The following POLR2B variants were observed in gnomAD, a reference collection of about 807,000 sequenced individuals.
POLR2B encodes the protein RNA polymerase II subunit B, also known as DNA-directed RNA polymerase II subunit RPB2.
In POLR2B, 57 loss-of-function variants were observed where a neutral mutation model predicts 144.6. That is an observed-to-expected ratio of 0.39 (90% CI 0.32 to 0.49). POLR2B has a LOEUF of 0.49. Among genes scored for constraint, POLR2B ranks in the 20% least tolerant of loss-of-function variants. The pLI, the probability that POLR2B is intolerant of heterozygous loss-of-function variation, is 0.83. For missense variants in POLR2B, 595 were observed against 1,467.4 expected (o/e 0.41, Z 9.71); for synonymous variants, 442 against 469.8 (o/e 0.94, Z 0.77).
intron 13 of POLR2B, 117 bp downstream of exon 13, chr4:57,011,217 A>G: frequency 7.1e-6 from 5 of 707,406 alleles, no homozygotes; most frequent in Non-Finnish European, 1.2e-5. Context: ...CTTGAACTGT[A>G]AAGTGTAAAT....
Position 57,005,584 on chromosome 4 carries a change from T to C in POLR2B, c.1098-16T>C. 6.9e-7 allele frequency: 1 copy of C among 1,457,728 alleles called. No individual in the cohort carries two copies. The highest frequency in any genetic ancestry group is 9.2e-7 in the Non-Finnish European group (1 of 1,081,796). The allele number at this position is 1,457,728 out of a possible 1,614,324, so 90.3% of individuals were successfully genotyped here. On this transcript the variant is annotated splice_polypyrimidine_tract_variant and intron_variant, in intron 8 of 24. Coordinates refer to ENST00000314595, the MANE Select transcript of POLR2B (RefSeq NM_000938.3). The stretch of plus-strand genomic sequence containing the variant: ...GTGTTTTCCCTCTTTCTTTCTTTCT[T>C]TTTTTTTTTTTAAAGATACATGGTT...
At position 57,006,963 on chromosome 4, in the gene POLR2B, T is replaced by C. The variant is rs752948471; in HGVS notation, c.1365T>C (p.Asp455=). 1.9e-6 allele frequency: 3 copies of C among 1,614,046 alleles called. No homozygotes were observed. The highest frequency in any genetic ancestry group is 2.5e-6 in the Non-Finnish European group (3 of 1,179,946). ...KYSLATGNWG[D]QKKAHQARAG... is the part of the protein sequence containing the mutation. ...CTTTAGCTACTGGAAACTGGGGTGA[T>C]CAAAAGAAAGCTCATCAAGCCAGAG... is the stretch of plus-strand genomic sequence containing the variant. The change falls in exon 10 of 25, where the codon GAT becomes GAC. Residue 455 remains aspartate (D), a synonymous_variant. Transcript: ENST00000314595.
chr4:57,006,704 C>A, intron 9 of POLR2B, 112 bp from the exon 10 acceptor site: 1 of 773,812 alleles, frequency 1.3e-6, no homozygotes, highest in Non-Finnish European at 2.2e-6. Context: ...TTTCACTCTG[C>A]CCAAACAATT....
intron 7 of POLR2B, among the ~76,000 whole-genome samples, chr4:57,004,474 C>T (rs1578573663): frequency 6.6e-6 from 1 of 151,974 alleles, no homozygotes. Context: ...TCAAGCCATC[C>T]TCCTGTTTTG....
At chr4:57,020,332 T>A (rs573350239) in intron 16 of POLR2B, among the ~76,000 whole-genome samples, 6 of 152,264 alleles carry the variant, frequency 3.9e-5, no homozygotes, top group Admixed American at 2.0e-4. Flanking sequence ...ATGCCCGACC[T>A]AAATATCAAG....
rs768360150 is a variant in POLR2B, at chr4:56,990,910, C to T, written c.243+12C>T. Reference sequence around the variant, plus strand: ...AAGTTGAAGAACCGGTAAGATAGTTCTAATAGTTACACAGGTACAAGAAGC... The same window carrying T: ...AAGTTGAAGAACCGGTAAGATAGTTTTAATAGTTACACAGGTACAAGAAGC... On this transcript the variant is annotated intron_variant, in intron 3 of 24. Coordinates refer to ENST00000314595, the MANE Select transcript of POLR2B (RefSeq NM_000938.3). 6.2e-7 allele frequency: 1 copy of T among 1,604,586 alleles called. No individual in the cohort carries two copies. Among genetic ancestry groups the T allele is most frequent in the East Asian group, 2.2e-5 (1 of 44,598 alleles).
chr4:57,006,902 TTAAAACACGGATCA>T lies in POLR2B; in HGVS notation c.1307_1320del (p.Lys436IlefsTer2). 6.2e-7 allele frequency: 1 copy of T among 1,613,526 alleles called. No homozygotes were observed. The highest frequency in any genetic ancestry group is 2.2e-5 in the East Asian group (1 of 44,864). Reference sequence around the variant, plus strand: ...AAGGATTTTAACTTGGAGTTGGCAATTAAAACACGGATCATATCTGATGGCCTAAAATACTCTTT... The same window carrying T: ...AAGGATTTTAACTTGGAGTTGGCAATTATCTGATGGCCTAAAATACTCTTT... On this transcript the variant is annotated frameshift_variant, in exon 10 of 25. Coordinates refer to ENST00000314595, the MANE Select transcript of POLR2B (RefSeq NM_000938.3). LOFTEE classifies it high-confidence loss of function.
At chr4:57,028,334 G>C (rs565841542) in intron 23 of POLR2B, among the ~76,000 whole-genome samples, 1 of 152,088 alleles carries the variant, frequency 6.6e-6, no homozygotes, top group South Asian at 2.1e-4. Context: ...GGGTCTTACT[G>C]TGTTGCTCTG....
At chr4:57,005,842 A>T in intron 9 of POLR2B, 123 bp downstream of exon 9, 2 of 818,108 alleles carry the variant, frequency 2.4e-6, no homozygotes, top group Non-Finnish European at 3.7e-6. Flanking sequence ...AATTAGCTAC[A>T]TTCTTATTGC....
chr4:56,990,404 T>C (rs1426801590), intron 2 of POLR2B, among the ~76,000 whole-genome samples: 1 of 152,164 alleles, frequency 6.6e-6, no homozygotes, highest in African/African-American at 2.4e-5. Context: ...TTTTTTCTTA[T>C]TTGTTGAAAT....
Position 56,995,416 on chromosome 4 carries a change from A to G in POLR2B, c.735+7A>G. 1 of 1,587,488 alleles carries G rather than the reference A, an allele frequency of 6.3e-7. No homozygotes were observed. The highest frequency in any genetic ancestry group is 8.6e-7 in the Non-Finnish European group (1 of 1,162,270). On this transcript the variant is annotated splice_region_variant and intron_variant, in intron 6 of 24. Transcript: ENST00000314595. ...GCTGGCAAGAGGAGGACAGGTATGG[A>G]CTGGATATGATGCTATTTGGGTTTA...
chr4:57,022,247 G>A lies in POLR2B; in HGVS notation c.2515+1G>A. The A allele has an allele frequency of 6.4e-7, 1 of 1,570,874 alleles. No homozygotes were observed. Among genetic ancestry groups the A allele is most frequent in the Non-Finnish European group, 8.7e-7 (1 of 1,145,982 alleles). On this transcript the variant is annotated splice_donor_variant, in intron 18 of 24. Transcript: ENST00000314595. LOFTEE classifies it high-confidence loss of function. Reference sequence around the variant, plus strand: ...AAGCCTACACGTGAAACATGCCAGGGTAAGTGACACTAACATTTAAATGAT... The same window carrying A: ...AAGCCTACACGTGAAACATGCCAGGATAAGTGACACTAACATTTAAATGAT...
At chr4:57,026,716 G>A (rs952578945) in intron 23 of POLR2B, among the ~76,000 whole-genome samples, 5 of 151,536 alleles carry the variant, frequency 3.3e-5, no homozygotes, top group East Asian at 2.0e-4. Context: ...AGCCAAGATC[G>A]TGCCACTGCA....
At chr4:56,979,813 C>G (rs1183177748) in intron 1 of POLR2B, among the ~76,000 whole-genome samples, 1 of 151,342 alleles carries the variant, frequency 6.6e-6, no homozygotes, top group Non-Finnish European at 1.5e-5. Flanking sequence ...GCCGGACGAT[C>G]GCTTGAGCCC....
chr4:56,984,247 C>T (rs1358458767), intron 1 of POLR2B, among the ~76,000 whole-genome samples: 1 of 152,008 alleles, frequency 6.6e-6, no homozygotes, highest in East Asian at 1.9e-4. Context: ...AAAGTTGTTC[C>T]CAGATATCCT....
chr4:57,025,304 C>A, intron 22 of POLR2B, 73 bp from the exon 23 acceptor site: 1 of 1,045,704 alleles, frequency 9.6e-7, no homozygotes, highest in Non-Finnish European at 1.5e-6. Flanking sequence ...TGGAGTAACA[C>A]AATATATACA....
chr4:56,989,512 A>G (rs1203057894), intron 2 of POLR2B, among the ~76,000 whole-genome samples: 3 of 152,216 alleles, frequency 2.0e-5, no homozygotes, highest in African/African-American at 4.8e-5. Flanking sequence ...GGTGGGGCCA[A>G]TTTGTTGGCC....
At chr4:57,012,999 C>G (rs905384869) in intron 13 of POLR2B, among the ~76,000 whole-genome samples, 5 of 152,108 alleles carry the variant, frequency 3.3e-5, no homozygotes, top group Admixed American at 6.5e-5. Context: ...TGCCACCATG[C>G]CTGGCTAATT....
chr4:56,999,721 C>T lies in POLR2B; in HGVS notation c.840C>T (p.Ser280=), dbSNP rs199522304. 46 of 1,610,364 alleles carry T rather than the reference C, an allele frequency of 2.9e-5. No homozygotes were observed. The highest frequency in any genetic ancestry group is 1.9e-4 in the African/African-American group (14 of 74,654). Residue 280 remains serine, a synonymous_variant, in exon 7 of 25, where the codon TCC becomes TCT. Transcript: ENST00000314595. ...IIVFRALGFV[S]DRDILEHIIY... ...TGTTCAGAGCATTAGGTTTTGTGTC[C>T]GACAGAGATATTTTAGAACATATTA...
Sources: gnomAD v4.1 joint callset for allele counts (sites outside exome capture counted in the v4.1 genomes callset) on GRCh38, gnomAD v4.1.1 for gene constraint, MANE v1.5 for transcripts, NCBI Gene and HGNC (gene_info 2026-07-23, HGNC 2026-07-21) for gene names.